BMPER: variants seen among roughly 807,000 people sequenced by gnomAD.
The protein encoded by BMPER is BMP-binding endothelial regulator protein.
Under a neutral mutation model 87.3 loss-of-function variants are expected in BMPER, and 45 were observed. That is an observed-to-expected ratio of 0.52 (90% CI 0.41 to 0.66). The LOEUF is 0.66. Ranked by LOEUF, BMPER falls within the 30% of genes least tolerant of loss-of-function variation. The pLI is 0.00. For missense variants in BMPER, 784 were observed against 867.5 expected (o/e 0.90, Z 1.21); for synonymous variants, 326 against 316.2 (o/e 1.03, Z -0.33).
At chr7:33,999,321 A>C (rs1427268860) in intron 6 of BMPER, among the ~76,000 whole-genome samples, 1 of 152,206 alleles carries the variant, frequency 6.6e-6, no homozygotes, top group African/African-American at 2.4e-5. Context: ...AGCTAGTTTA[A>C]AAAAATGGTA....
intron 6 of BMPER, among the ~76,000 whole-genome samples, chr7:34,029,277 G>T (rs1244119510): frequency 6.6e-6 from 1 of 151,998 alleles, no homozygotes; most frequent in East Asian, 1.9e-4. Context: ...TGGGAAAGCT[G>T]GTTCAAACCT....
At chr7:34,048,199 C>A (rs941256692) in intron 7 of BMPER, among the ~76,000 whole-genome samples, 1 of 152,016 alleles carries the variant, frequency 6.6e-6, no homozygotes, top group Non-Finnish European at 1.5e-5. Flanking sequence ...ACAGCCATAC[C>A]ATGAAGTCTA....
intron 2 of BMPER, among the ~76,000 whole-genome samples, chr7:33,926,779 C>G (rs1429790517): frequency 1.3e-5 from 2 of 152,236 alleles, no homozygotes; most frequent in Non-Finnish European, 2.9e-5. Flanking sequence ...CTGTCCAAGG[C>G]TGACATTTTC....
intron 6 of BMPER, among the ~76,000 whole-genome samples, chr7:33,982,104 A>G (rs2127917683): frequency 6.6e-6 from 1 of 152,316 alleles, no homozygotes. Flanking sequence ...GTTCTCTGCA[A>G]TAGGAAGGAA....
chr7:34,035,550 G>T (rs1787640644), intron 6 of BMPER, among the ~76,000 whole-genome samples: 1 of 152,138 alleles, frequency 6.6e-6, no homozygotes, highest in Non-Finnish European at 1.5e-5. Flanking sequence ...AGAGATTCAG[G>T]TATATCTTAA....
intron 13 of BMPER, among the ~76,000 whole-genome samples, chr7:34,126,909 G>A (rs1360834914): frequency 6.6e-6 from 1 of 152,130 alleles, no homozygotes; most frequent in Non-Finnish European, 1.5e-5. Flanking sequence ...TGACTAAGCA[G>A]CATTATTAAG....
At chr7:34,118,540 G>A (rs535341893) in intron 13 of BMPER, among the ~76,000 whole-genome samples, 1 of 152,258 alleles carries the variant, frequency 6.6e-6, no homozygotes, top group African/African-American at 2.4e-5. Context: ...TGGATGAGTG[G>A]AAAGACAACA....
chr7:33,980,263 A>G (rs1280960088), intron 6 of BMPER, among the ~76,000 whole-genome samples: 3 of 152,206 alleles, frequency 2.0e-5, no homozygotes, highest in South Asian at 2.1e-4. Flanking sequence ...CTTGAGTCCT[A>G]TTAGCTGTTC....
chr7:33,938,073 T>C (rs1784654476), intron 3 of BMPER, among the ~76,000 whole-genome samples: 1 of 152,206 alleles, frequency 6.6e-6, no homozygotes, highest in African/African-American at 2.4e-5. Context: ...TAGATTTCTA[T>C]GGCCTCTAGA....
Position 33,905,754 on chromosome 7 carries a change from AG to A in BMPER, c.133+13del. 1 of 469,810 alleles carries A rather than the reference AG, an allele frequency of 2.1e-6. No homozygotes were observed. The allele number at this position is 469,810 out of a possible 1,614,324, so 29.1% of individuals were successfully genotyped here. A position where few individuals can be genotyped will look rare whatever the true frequency, so the allele number is the denominator to read the frequency against. On this transcript the variant is annotated intron_variant, in intron 1 of 14. Transcript: ENST00000649409. ...CTTCCTCCTTCTTGACAGGTAGGGG[AG>A]GGGGCGGGAGGGACCGGCCCTCCGG...
intron 11 of BMPER, among the ~76,000 whole-genome samples, chr7:34,077,860 G>C (rs1788906373): frequency 6.6e-6 from 1 of 151,222 alleles, no homozygotes; most frequent in Non-Finnish European, 1.5e-5. Flanking sequence ...TTTTTATTCT[G>C]GTTATTATTC....
chr7:34,120,736 A>T (rs933682515), intron 13 of BMPER, among the ~76,000 whole-genome samples: 25 of 152,206 alleles, frequency 1.6e-4, no homozygotes, highest in African/African-American at 6.0e-4. Flanking sequence ...AGTTGGATAT[A>T]GCTTATTGTC....
intron 13 of BMPER, among the ~76,000 whole-genome samples, chr7:34,116,741 G>C (rs1214149708): frequency 6.6e-6 from 1 of 152,200 alleles, no homozygotes; most frequent in Non-Finnish European, 1.5e-5. Context: ...TGTAATCCCA[G>C]CACTTTGGGA....
chr7:34,126,605 A>G lies in BMPER; in HGVS notation c.1746-16625A>G, dbSNP rs181281569. 2.0e-5 allele frequency among the ~76,000 whole-genome samples: 3 copies of G among 152,296 alleles called. No individual in the cohort carries two copies. In the East Asian group the frequency reaches 5.8e-4, roughly 29 times the overall value. ...GTAGTTGGAAATATATAGGTGAGAAATTACAACTTTTCCTATTGAGTCTTA... is the reference window on the plus strand; with the variant it reads ...GTAGTTGGAAATATATAGGTGAGAAGTTACAACTTTTCCTATTGAGTCTTA... On this transcript the variant is annotated intron_variant, in intron 13 of 14. Transcript: ENST00000649409.
At chr7:34,010,131 C>T (rs1308409897) in intron 6 of BMPER, among the ~76,000 whole-genome samples, 1 of 151,962 alleles carries the variant, frequency 6.6e-6, no homozygotes, top group East Asian at 1.9e-4. Context: ...CTCCAGGACT[C>T]AGAACATGGG....
In BMPER at chr7:33,989,839, T is replaced by G. The variant is rs1468845163; in HGVS notation, c.576+15055T>G. On this transcript the variant is annotated intron_variant, in intron 6 of 14. Coordinates refer to ENST00000649409, the MANE Select transcript of BMPER (RefSeq NM_001365308.1). ...AGTTTCAGCTTTCTACATGTGGCTA[T>G]CCAGTTTTCCCAGCACCATTTATTA... Among the ~76,000 whole-genome samples, 19 of 152,302 alleles carry G rather than the reference T, an allele frequency of 1.2e-4. No homozygotes were observed. The East Asian group carries it at 2.7e-3, about 22-fold the overall frequency.
At chr7:33,916,169 A>T (rs1784083565) in intron 2 of BMPER, among the ~76,000 whole-genome samples, 1 of 152,252 alleles carries the variant, frequency 6.6e-6, no homozygotes, top group Non-Finnish European at 1.5e-5. Context: ...ATGGAAGGTC[A>T]GAAGAGGCGA....
chr7:33,985,182 T>G (rs1376392673), intron 6 of BMPER, among the ~76,000 whole-genome samples: 2 of 152,222 alleles, frequency 1.3e-5, no homozygotes, highest in Admixed American at 6.5e-5. Context: ...TATTGAGAAA[T>G]TAAAATAATT....
intron 6 of BMPER, among the ~76,000 whole-genome samples, chr7:34,004,287 T>C (rs934391201): frequency 5.3e-5 from 8 of 152,274 alleles, no homozygotes; most frequent in African/African-American, 1.7e-4. Context: ...TTAGAAGTGA[T>C]TGTTATACTT....
Sources: allele counts gnomAD v4.1 joint callset (sites outside exome capture counted in the v4.1 genomes callset), GRCh38; gene constraint gnomAD v4.1.1; transcripts MANE v1.5; gene names NCBI Gene and HGNC (gene_info 2026-07-23, HGNC 2026-07-21).